The following SORCS3 variants were observed in gnomAD, a reference collection of about 807,000 sequenced individuals.
SORCS3 encodes VPS10 domain-containing receptor SorCS3.
Under a neutral mutation model 146.3 loss-of-function variants are expected in SORCS3, and 57 were observed. That is an observed-to-expected ratio of 0.39 (90% CI 0.31 to 0.49). The LOEUF (loss-of-function observed/expected upper bound fraction) is 0.49. SORCS3 is among the 20% of genes least tolerant of loss of function. The probability of loss-of-function intolerance (pLI) is 0.92; values close to 1 mark genes in which losing one functional copy is unlikely to be tolerated. For synonymous variants in SORCS3, 653 were observed against 618.5 expected, an observed-to-expected ratio of 1.06 and a Z score of -0.83; for missense variants, 1,341 against 1,575.5, an observed-to-expected ratio of 0.85 and a Z score of 2.52.
chr10:105,157,232 T>C lies in SORCS3; in HGVS notation c.1577T>C (p.Leu526Pro), dbSNP rs747756589. 3 of 1,613,972 alleles carry C rather than the reference T, an allele frequency of 1.9e-6. No homozygotes were observed. The highest frequency in any genetic ancestry group is 2.5e-6 in the Non-Finnish European group (3 of 1,179,978). Residue 526 changes from leucine (L) to proline (P), a missense_variant, in exon 10 of 27, where the codon CTG (leucine) becomes CCG (proline). By Grantham distance (98) the Leu-to-Pro change is moderately conservative. Coordinates refer to ENST00000369701, the MANE Select transcript of SORCS3 (RefSeq NM_014978.3). ...TACAACAAAGGCAGGGATTGGCGCCTGCTGCAAGCTCCGGATGTGGACCTG... is the reference window on the plus strand; with the variant it reads ...TACAACAAAGGCAGGGATTGGCGCCCGCTGCAAGCTCCGGATGTGGACCTG... ...ITYNKGRDWRLLQAPDVDLRG... is the reference protein window; with the variant it reads ...ITYNKGRDWRPLQAPDVDLRG...
chr10:105,050,321 T>G (rs2133710043), intron 5 of SORCS3, among the ~76,000 whole-genome samples: 1 of 152,150 alleles, frequency 6.6e-6, no homozygotes, highest in South Asian at 2.1e-4. Flanking sequence ...CGAGCTTTTT[T>G]GGGGAGTAGG....
chr10:104,980,094 T>A (rs1019804417), intron 4 of SORCS3, among the ~76,000 whole-genome samples: 46 of 152,222 alleles, frequency 3.0e-4, no homozygotes, highest in Admixed American at 3.0e-3. Flanking sequence ...CTTATGGATA[T>A]AATGCATTCA....
chr10:105,166,914 G>A (rs1047178046), intron 12 of SORCS3, among the ~76,000 whole-genome samples: 3 of 152,136 alleles, frequency 2.0e-5, no homozygotes, highest in Non-Finnish European at 4.4e-5. Context: ...AACTTAATTA[G>A]CTGGAAAGAT....
intron 1 of SORCS3, among the ~76,000 whole-genome samples, chr10:104,784,403 T>C (rs934119784): frequency 4.6e-5 from 7 of 152,202 alleles, no homozygotes; most frequent in African/African-American, 9.6e-5. Context: ...AGTGCCAAGA[T>C]TGAGAAACTG....
At chr10:104,785,056 G>T (rs2017417238) in intron 1 of SORCS3, among the ~76,000 whole-genome samples, 1 of 151,976 alleles carries the variant, frequency 6.6e-6, no homozygotes, top group African/African-American at 2.4e-5. Flanking sequence ...CCCGGATGGG[G>T]CGGCTGGCCG....
At chr10:104,906,777 G>T (rs1025880844) in intron 2 of SORCS3, among the ~76,000 whole-genome samples, 1 of 152,138 alleles carries the variant, frequency 6.6e-6, no homozygotes, top group African/African-American at 2.4e-5. Context: ...CATTGTGACT[G>T]TTTGGTAACA....
chr10:104,801,693 A>T (rs796386865), intron 1 of SORCS3, among the ~76,000 whole-genome samples: 9 of 152,264 alleles, frequency 5.9e-5, no homozygotes, highest in African/African-American at 2.2e-4. Context: ...TCATCTAGGG[A>T]TGTATGTTTT....
chr10:104,667,222 C>G (rs2015791006), intron 1 of SORCS3, among the ~76,000 whole-genome samples: 1 of 152,184 alleles, frequency 6.6e-6, no homozygotes, highest in African/African-American at 2.4e-5. Context: ...GTGCAAGGCA[C>G]TGTGCTCACA....
intron 2 of SORCS3, among the ~76,000 whole-genome samples, chr10:104,864,419 A>C (rs2018438245): frequency 6.6e-6 from 1 of 152,066 alleles, no homozygotes; most frequent in African/African-American, 2.4e-5. Flanking sequence ...ATCCTCAGTG[A>C]CCTTTTTATG....
rs142179840 is a variant in SORCS3, at chr10:105,050,276, G to A, written c.1028+7148G>A. ...TTCTTGAGTATAGACTGGATTAGTG[G>A]CTTGCTTCTAGTGAATGGAATATGG... On this transcript the variant is annotated intron_variant, in intron 5 of 26. Coordinates refer to ENST00000369701, the MANE Select transcript of SORCS3 (RefSeq NM_014978.3). 4.3e-3 allele frequency among the ~76,000 whole-genome samples: 651 copies of A among 152,198 alleles called. 2 individuals carry two copies. The highest frequency in any genetic ancestry group is 0.015 in the Admixed American group (227 of 15,258).
At chr10:104,693,930 A>C (rs927228063) in intron 1 of SORCS3, among the ~76,000 whole-genome samples, 3 of 152,116 alleles carry the variant, frequency 2.0e-5, no homozygotes, top group Non-Finnish European at 2.9e-5. Context: ...TGGGGAGTGG[A>C]AATGTAATAG....
chr10:104,685,288 G>A (rs1236141270), intron 1 of SORCS3, among the ~76,000 whole-genome samples: 1 of 152,202 alleles, frequency 6.6e-6, no homozygotes, highest in Non-Finnish European at 1.5e-5. Context: ...ATGCTGCTCT[G>A]TGTCCAAGAA....
At chr10:104,782,631 T>C (rs1001784668) in intron 1 of SORCS3, among the ~76,000 whole-genome samples, 4 of 152,230 alleles carry the variant, frequency 2.6e-5, no homozygotes, top group Non-Finnish European at 4.4e-5. Context: ...GTTAGAACAC[T>C]CTTCTTATGT....
At chr10:105,141,518 A>G (rs1388125087) in intron 8 of SORCS3, among the ~76,000 whole-genome samples, 1 of 152,164 alleles carries the variant, frequency 6.6e-6, no homozygotes, top group Non-Finnish European at 1.5e-5. Context: ...CTTGCTTAGA[A>G]ACAAAGGCAT....
chr10:104,652,502 C>G (rs1471366191), intron 1 of SORCS3, among the ~76,000 whole-genome samples: 1 of 152,116 alleles, frequency 6.6e-6, no homozygotes, highest in Admixed American at 6.5e-5. Context: ...TGTTAGTTTA[C>G]CTCACCTCTC....
At chr10:105,211,385 A>T in intron 17 of SORCS3, 135 bp downstream of exon 17, 1 of 660,054 alleles carries the variant, frequency 1.5e-6, no homozygotes, top group East Asian at 2.7e-5. Context: ...TTTGAAGGGA[A>T]GTGAGGAGTT....
chr10:104,802,656 G>T (rs541848816), intron 1 of SORCS3, among the ~76,000 whole-genome samples: 1 of 152,236 alleles, frequency 6.6e-6, no homozygotes, highest in African/African-American at 2.4e-5. Flanking sequence ...TACAGAATCT[G>T]GTTCCCTGAA....
At chr10:104,766,035 G>A (rs1351461256) in intron 1 of SORCS3, among the ~76,000 whole-genome samples, 1 of 152,184 alleles carries the variant, frequency 6.6e-6, no homozygotes, top group Non-Finnish European at 1.5e-5. Context: ...GTTTCTTGGG[G>A]GATTCCTTAT....
At chr10:105,061,173 T>C (rs950041326) in intron 5 of SORCS3, among the ~76,000 whole-genome samples, 1 of 152,108 alleles carries the variant, frequency 6.6e-6, no homozygotes, top group Non-Finnish European at 1.5e-5. Flanking sequence ...TGGAAAGCTG[T>C]GCTCTGGACT....
Sources: gnomAD v4.1 joint callset for allele counts (sites outside exome capture counted in the v4.1 genomes callset) on GRCh38, gnomAD v4.1.1 for gene constraint, MANE v1.5 for transcripts, NCBI Gene and HGNC (gene_info 2026-07-23, HGNC 2026-07-21) for gene names.